Variants in JMY observed in about 807,000 individuals in gnomAD.
JMY encodes junction-mediating and -regulatory protein.
A neutral mutation model predicts 103.3 loss-of-function variants in JMY; 46 were observed. That is an observed-to-expected ratio of 0.45 (90% CI 0.35 to 0.57). The LOEUF (loss-of-function observed/expected upper bound fraction) is 0.57. Ranked by LOEUF, JMY falls within the 20% of genes least tolerant of loss-of-function variation. The probability of loss-of-function intolerance (pLI) is 0.00; values close to 1 mark genes in which losing one functional copy is unlikely to be tolerated. For synonymous variants in JMY, 526 were observed against 489.3 expected, an observed-to-expected ratio of 1.07 and a Z score of -0.99; for missense variants, 1,238 against 1,255.2, an observed-to-expected ratio of 0.99 and a Z score of 0.21.
intron 10 of JMY, among the ~76,000 whole-genome samples, chr5:79,320,161 C>T (rs975807816): frequency 3.9e-5 from 6 of 152,106 alleles, no homozygotes; most frequent in Non-Finnish European, 8.8e-5. Context: ...GTGGGTGGAT[C>T]ACTTGAGCCC....
At chr5:79,292,040 G>A (rs1257767266) in intron 4 of JMY, among the ~76,000 whole-genome samples, 3 of 152,046 alleles carry the variant, frequency 2.0e-5, no homozygotes, top group African/African-American at 7.2e-5. Flanking sequence ...TTTGTTGATG[G>A]ATTTTTATCA....
At chr5:79,267,856 T>C (rs1321617225) in intron 1 of JMY, among the ~76,000 whole-genome samples, 1 of 152,228 alleles carries the variant, frequency 6.6e-6, no homozygotes, top group Non-Finnish European at 1.5e-5. Flanking sequence ...AGTGTGCAGG[T>C]TTTTGTGTAG....
At chr5:79,274,243 C>G (rs1271287636) in intron 1 of JMY, among the ~76,000 whole-genome samples, 1 of 152,062 alleles carries the variant, frequency 6.6e-6, no homozygotes, top group Non-Finnish European at 1.5e-5. Flanking sequence ...GAATTAGTTT[C>G]TATTTTTTGA....
At chr5:79,307,530 C>T (rs899614570) in intron 7 of JMY, among the ~76,000 whole-genome samples, 2 of 152,100 alleles carry the variant, frequency 1.3e-5, no homozygotes, top group Admixed American at 1.3e-4. Context: ...CCAGGTTAGC[C>T]GCAAACTCCT....
intron 1 of JMY, among the ~76,000 whole-genome samples, chr5:79,246,691 G>A (rs1744914612): frequency 6.6e-6 from 1 of 152,116 alleles, no homozygotes; most frequent in South Asian, 2.1e-4. Context: ...GACTAGCCTG[G>A]CCAACATGGT....
intron 1 of JMY, among the ~76,000 whole-genome samples, chr5:79,247,331 C>T (rs910918170): frequency 6.6e-6 from 1 of 152,008 alleles, no homozygotes; most frequent in Admixed American, 6.6e-5. Context: ...GAGATGGAGT[C>T]TCACTCTGTC....
Position 79,323,626 on chromosome 5 carries a change from CT to C in JMY, c.*2031del, listed in dbSNP as rs1747533672. The stretch of plus-strand genomic sequence containing the variant: ...ATCCAGTTCTTTGGGTGCTGGTTCA[CT>C]TTTTTTCATTTATTCAAATTCAGAA... On this transcript the variant is annotated 3_prime_UTR_variant, in exon 11 of 11. Transcript: ENST00000396137. 6.6e-6 allele frequency: 1 copy of C among 152,168 alleles called. No individual in the cohort carries two copies. The highest frequency in any genetic ancestry group is 2.1e-4 in the South Asian group (1 of 4,826). 9.4% of individuals were successfully genotyped at this position (152,168 alleles called of 1,614,324 possible).
intron 1 of JMY, among the ~76,000 whole-genome samples, chr5:79,259,612 C>T (rs1005755285): frequency 4.6e-5 from 7 of 152,252 alleles, no homozygotes; most frequent in African/African-American, 1.7e-4. Flanking sequence ...CCCTTGGCCT[C>T]TCTTCTGTGC....
chr5:79,281,845 T>A (rs1746125967), intron 2 of JMY, among the ~76,000 whole-genome samples: 1 of 152,160 alleles, frequency 6.6e-6, no homozygotes, highest in Non-Finnish European at 1.5e-5. Flanking sequence ...ATAGTAAAAT[T>A]GCTTACAGGA....
At chr5:79,302,083 C>CAAAAA (rs33983370) in intron 6 of JMY, among the ~76,000 whole-genome samples, 2 of 102,612 alleles carry the variant, frequency 1.9e-5, no homozygotes, top group Non-Finnish European at 3.7e-5. Flanking sequence ...AACTCCGTCT[C>CAAAAA]AAAAAAAAAA....
At chr5:79,297,379 G>A (rs1316341509) in intron 4 of JMY, among the ~76,000 whole-genome samples, 1 of 152,104 alleles carries the variant, frequency 6.6e-6, no homozygotes, top group African/African-American at 2.4e-5. Context: ...TCCCTGCACT[G>A]CTCCATTATC....
chr5:79,297,965 AG>A (rs1289823010), intron 4 of JMY, among the ~76,000 whole-genome samples: 8 of 152,314 alleles, frequency 5.3e-5, no homozygotes, highest in Non-Finnish European at 8.8e-5. Context: ...GTGCTTTTAA[AG>A]TACCCTGGCT....
At chr5:79,321,431 A>G (rs764279487) in intron 10 of JMY, among the ~76,000 whole-genome samples, 175 bp from the exon 11 acceptor site, 13 of 152,242 alleles carry the variant, frequency 8.5e-5, no homozygotes, top group African/African-American at 2.9e-4. Flanking sequence ...ATAGTCTTTT[A>G]AAAGTGATCA....
chr5:79,276,632 G>A (rs1416472984), intron 1 of JMY, among the ~76,000 whole-genome samples: 2 of 151,434 alleles, frequency 1.3e-5, no homozygotes, highest in Non-Finnish European at 2.9e-5. Context: ...TTTTTGAGAC[G>A]AGTCTCACTC....
At chr5:79,256,916 A>C (rs1322502426) in intron 1 of JMY, among the ~76,000 whole-genome samples, 2 of 151,944 alleles carry the variant, frequency 1.3e-5, no homozygotes, top group Non-Finnish European at 2.9e-5. Flanking sequence ...ATGAGCCACC[A>C]GGCCCAGCCA....
rs562757832 is a variant in JMY at position 79,305,710 on chromosome 5, T to A, written c.1882-665T>A. ...TTTCATAGTTTCTAAATAATTTTGA[T>A]AATTTTGACTTTCTAGTCTTCCAGG... On this transcript the variant is annotated intron_variant, in intron 6 of 10. Transcript: ENST00000396137. 2.3e-4 allele frequency among the ~76,000 whole-genome samples: 35 copies of A among 152,292 alleles called. No individual in the cohort carries two copies. In the South Asian group the frequency reaches 7.3e-3, roughly 32 times the overall value.
intron 1 of JMY, among the ~76,000 whole-genome samples, chr5:79,265,780 CTTTTTTTTTTTT>C (rs34354467): frequency 3.4e-5 from 4 of 116,206 alleles, no homozygotes; most frequent in African/African-American, 1.3e-4. Flanking sequence ...TGTGATGATT[CTTTTTTTTTTTT>C]TTTTTTTTGA....
intron 1 of JMY, among the ~76,000 whole-genome samples, chr5:79,238,648 C>CT (rs1055172051): frequency 0.035 from 4,269 of 120,656 alleles, 153 homozygotes; most frequent in African/African-American, 0.082. Flanking sequence ...TCCGCGCCTT[C>CT]TTTTTTTTTT....
chr5:79,266,314 G>A (rs967921538), intron 1 of JMY, among the ~76,000 whole-genome samples: 17 of 152,220 alleles, frequency 1.1e-4, no homozygotes, highest in Non-Finnish European at 2.4e-4. Context: ...CTACCTAGTG[G>A]TAGAATCACA....
Sources: gnomAD v4.1 joint callset for allele counts (sites outside exome capture counted in the v4.1 genomes callset) on GRCh38, gnomAD v4.1.1 for gene constraint, MANE v1.5 for transcripts, NCBI Gene and HGNC (gene_info 2026-07-23, HGNC 2026-07-21) for gene names.